DNAJB6: variants seen among roughly 807,000 people sequenced by gnomAD.
The protein encoded by DNAJB6 is dnaJ homolog subfamily B member 6.
A neutral mutation model predicts 42.7 loss-of-function variants in DNAJB6; 16 were observed. The ratio of observed to expected loss-of-function variants is 0.37; its 90% confidence interval spans 0.25 to 0.57. The LOEUF (loss-of-function observed/expected upper bound fraction) is 0.57. DNAJB6 is among the 20% of genes least tolerant of loss of function. The pLI is 0.74. For missense variants in DNAJB6, 347 were observed against 416.8 expected (o/e 0.83, Z 1.46); for synonymous variants, 170 against 163.5 (o/e 1.04, Z -0.30).
chr7:157,384,247 A>G (rs545213893), intron 6 of DNAJB6, among the ~76,000 whole-genome samples: 1 of 152,234 alleles, frequency 6.6e-6, no homozygotes, highest in South Asian at 2.1e-4. Context: ...GTAGAACCAT[A>G]GTTTTTTGAG....
At chr7:157,361,035 A>G (rs1005221151) in intron 2 of DNAJB6, among the ~76,000 whole-genome samples, 2 of 152,190 alleles carry the variant, frequency 1.3e-5, no homozygotes, top group East Asian at 1.9e-4. Context: ...CCAAGTTTTC[A>G]TATGAACACT....
chr7:157,368,474 G>A (rs117943860), intron 5 of DNAJB6: 3,244 of 152,390 alleles, frequency 0.021, 43 homozygotes, highest in East Asian at 0.055. Flanking sequence ...GCAAGACTGC[G>A]GAGGCCTTTG....
chr7:157,382,102 G>T, intron 5 of DNAJB6, 144 bp from the exon 6 acceptor site: 2 of 803,344 alleles, frequency 2.5e-6, no homozygotes, highest in East Asian at 3.0e-5. Context: ...CAGTTACTCT[G>T]TAGATAAGCT....
intron 7 of DNAJB6, 118 bp downstream of exon 7, chr7:157,385,126 A>T: frequency 1.8e-6 from 2 of 1,103,634 alleles, no homozygotes; most frequent in Non-Finnish European, 2.5e-6. Context: ...ATCTGGCGCC[A>T]TGAAAATCTT....
At chr7:157,379,389 G>C (rs780957946) in intron 5 of DNAJB6, 1 of 152,216 alleles carries the variant, frequency 6.6e-6, no homozygotes, top group Non-Finnish European at 1.5e-5. Flanking sequence ...GGATGTAAAC[G>C]TAGAGTTTAA....
chr7:157,412,800 C>G (rs973792795), intron 9 of DNAJB6: 1 of 152,240 alleles, frequency 6.6e-6, no homozygotes, highest in African/African-American at 2.4e-5. Flanking sequence ...CAGGAGTGAG[C>G]GAGCTTCCAC....
chr7:157,353,019 A>G (rs190335473), intron 1 of DNAJB6, among the ~76,000 whole-genome samples: 32 of 152,332 alleles, frequency 2.1e-4, no homozygotes, highest in African/African-American at 6.5e-4. Flanking sequence ...TTTAAATTCA[A>G]TTCAGTCAAT....
At chr7:157,344,307 C>G (rs1445396335) in intron 1 of DNAJB6, among the ~76,000 whole-genome samples, 3 of 151,740 alleles carry the variant, frequency 2.0e-5, no homozygotes, top group Admixed American at 6.6e-5. Flanking sequence ...CTCTACTGCA[C>G]TCTACTGCAC....
intron 3 of DNAJB6, among the ~76,000 whole-genome samples, chr7:157,363,677 G>A (rs1308870821): frequency 6.6e-6 from 1 of 152,108 alleles, no homozygotes; most frequent in Non-Finnish European, 1.5e-5. Context: ...CAGCTTTACT[G>A]CTTGAGAGGA....
At chr7:157,377,801 G>A (rs970389121) in intron 5 of DNAJB6, among the ~76,000 whole-genome samples, 7 of 152,176 alleles carry the variant, frequency 4.6e-5, no homozygotes, top group East Asian at 1.9e-4. Flanking sequence ...TCAACCACAT[G>A]TCCATCTGTT....
At chr7:157,345,617 A>G (rs1798644793) in intron 1 of DNAJB6, among the ~76,000 whole-genome samples, 3 of 152,252 alleles carry the variant, frequency 2.0e-5, no homozygotes, top group South Asian at 4.1e-4. Context: ...GAAGCTTTTC[A>G]GTGTGATGTA....
intron 8 of DNAJB6, among the ~76,000 whole-genome samples, chr7:157,403,822 C>A (rs909904751): frequency 6.6e-6 from 1 of 152,244 alleles, no homozygotes; most frequent in Non-Finnish European, 1.5e-5. Context: ...GGGGGAAGCG[C>A]AGCCCACCCT....
intron 2 of DNAJB6, among the ~76,000 whole-genome samples, chr7:157,362,020 C>G (rs904524861): frequency 6.6e-6 from 1 of 152,162 alleles, no homozygotes; most frequent in Non-Finnish European, 1.5e-5. Context: ...CCCACCTCGG[C>G]CTGCCAGAGT....
At chr7:157,348,852 G>A (rs563513535) in intron 1 of DNAJB6, among the ~76,000 whole-genome samples, 1 of 152,160 alleles carries the variant, frequency 6.6e-6, no homozygotes, top group South Asian at 2.1e-4. Context: ...GTCCCACATG[G>A]GCTGTGTGCT....
At chr7:157,385,499 T>G in intron 7 of DNAJB6, 42 bp from the exon 8 acceptor site, 1 of 1,601,334 alleles carries the variant, frequency 6.2e-7, no homozygotes, top group Non-Finnish European at 8.5e-7. Context: ...CACATGCATT[T>G]TCTTTACCAG....
intron 2 of DNAJB6, among the ~76,000 whole-genome samples, chr7:157,362,864 C>T (rs1799673003): frequency 6.6e-6 from 1 of 152,198 alleles, no homozygotes; most frequent in South Asian, 2.1e-4. Context: ...GGCTGGACTG[C>T]AGTGGTGTGA....
chr7:157,390,786 G>A (rs967164750), intron 8 of DNAJB6, among the ~76,000 whole-genome samples: 5 of 152,286 alleles, frequency 3.3e-5, no homozygotes, highest in African/African-American at 4.8e-5. Flanking sequence ...TGGGGGAGAT[G>A]TGGCTCCTGA....
chr7:157,366,576 T>G lies in DNAJB6; in HGVS notation c.235+15T>G. 1 of 1,612,686 alleles carries G rather than the reference T, an allele frequency of 6.2e-7. No homozygotes were observed. On this transcript the variant is annotated intron_variant, in intron 4 of 9. Transcript: ENST00000262177. ...TGGAGGAGGAGGTAAGTACGTGAGT[T>G]TTTTCTTTGAAGACAAAAGGTCTTG...
intron 5 of DNAJB6, among the ~76,000 whole-genome samples, chr7:157,372,540 A>C (rs747466584): frequency 7.9e-5 from 12 of 152,148 alleles, no homozygotes; most frequent in Non-Finnish European, 1.5e-4. Flanking sequence ...ATCTAGAATA[A>C]AATGGTTTCC....
Sources: allele counts gnomAD v4.1 joint callset (sites outside exome capture counted in the v4.1 genomes callset), GRCh38; gene constraint gnomAD v4.1.1; transcripts MANE v1.5; gene names NCBI Gene and HGNC (gene_info 2026-07-23, HGNC 2026-07-21).